SULT2B1: variants seen among roughly 807,000 people sequenced by gnomAD.
SULT2B1 encodes sulfotransferase family 2B member 1, also known as sulfotransferase 2B1.
Under a neutral mutation model 33.2 loss-of-function variants are expected in SULT2B1, and 16 were observed. The observed-to-expected ratio is 0.48, with a 90% confidence interval of 0.33 to 0.73. The LOEUF (loss-of-function observed/expected upper bound fraction) is 0.73. Ranked by LOEUF, SULT2B1 falls within the 30% of genes least tolerant of loss-of-function variation. The pLI is 0.02. For synonymous variants in SULT2B1, 186 were observed against 200.5 expected (o/e 0.93, Z 0.61); for missense variants, 500 against 506.0 (o/e 0.99, Z 0.11).
At chr19:48,585,354 T>C (rs1490104050) in intron 2 of SULT2B1, among the ~76,000 whole-genome samples, 1 of 152,038 alleles carries the variant, frequency 6.6e-6, no homozygotes, top group Non-Finnish European at 1.5e-5. Context: ...TAACATTCTG[T>C]GGCTCCCCAC....
At position 48,568,532 on chromosome 19, in the gene SULT2B1, G is replaced by A. The variant is rs779039579; in HGVS notation, c.72-7409G>A. ...ATCTCTGCGCCACGGCCAAGGGTGAGTCATCCTGCTGAGAGGTTGAGCTGG... is the reference window on the plus strand; with the variant it reads ...ATCTCTGCGCCACGGCCAAGGGTGAATCATCCTGCTGAGAGGTTGAGCTGG... On this transcript the variant is annotated intron_variant, in intron 1 of 6. Coordinates refer to ENST00000201586, the MANE Select transcript of SULT2B1 (RefSeq NM_177973.2). Among the ~76,000 whole-genome samples the A allele has an allele frequency of 8.5e-5, 13 of 152,258 alleles. No individual in the cohort carries two copies. In the South Asian group the frequency reaches 1.0e-3, roughly 12 times the overall value.
At chr19:48,575,314 G>T (rs1973388709) in intron 1 of SULT2B1, among the ~76,000 whole-genome samples, 1 of 150,656 alleles carries the variant, frequency 6.6e-6, no homozygotes, top group African/African-American at 2.4e-5. Context: ...TCACTCTGTT[G>T]CCCAAGCTGG....
intron 1 of SULT2B1, among the ~76,000 whole-genome samples, chr19:48,567,395 C>T (rs1287338032): frequency 6.6e-6 from 1 of 151,914 alleles, no homozygotes; most frequent in Non-Finnish European, 1.5e-5. Flanking sequence ...AATCCCGTCT[C>T]TACTAAAAAT....
intron 1 of SULT2B1, among the ~76,000 whole-genome samples, chr19:48,558,704 G>A (rs1382090691): frequency 2.3e-5 from 2 of 88,718 alleles, no homozygotes; most frequent in Non-Finnish European, 3.8e-5. Flanking sequence ...TTTTTTTTGA[G>A]ACAGAGTTTC....
At chr19:48,577,350 G>GTTTTTTT (rs1568408872) in intron 2 of SULT2B1, among the ~76,000 whole-genome samples, 11 of 42,708 alleles carry the variant, frequency 2.6e-4, no homozygotes, top group South Asian at 9.8e-4. Flanking sequence ...CCACTGAGCC[G>GTTTTTTT]TCTTTTTTTT....
Position 48,587,310 on chromosome 19 carries a change from A to G in SULT2B1, c.296A>G (p.Glu99Gly). Residue 99 changes from glutamate (E) to glycine (G), a missense_variant, in exon 3 of 7, where the codon GAG becomes GGG. By Grantham distance (98) the Glu-to-Gly change is moderately conservative. Transcript: ENST00000201586. ...TGGATCCGCTCCGTGCCCATCTGGGAGCGGGCACCCTGGTGTGAGACCATT... is the reference window on the plus strand; with the variant it reads ...TGGATCCGCTCCGTGCCCATCTGGGGGCGGGCACCCTGGTGTGAGACCATT... The part of the protein sequence containing the change: ...PSWIRSVPIW[E>G]RAPWCETIVG... 6.2e-7 allele frequency: 1 copy of G among 1,613,982 alleles called. No individual in the cohort carries two copies. Among genetic ancestry groups the G allele is most frequent in the Non-Finnish European group, 8.5e-7 (1 of 1,179,996 alleles).
At chr19:48,576,128 G>C (rs199582679) in intron 2 of SULT2B1, 45 bp downstream of exon 2, 12 of 1,499,700 alleles carry the variant, frequency 8.0e-6, no homozygotes, top group South Asian at 1.1e-5. Flanking sequence ...AGAGTGGGGA[G>C]GGGGTGCGGC....
intron 1 of SULT2B1, among the ~76,000 whole-genome samples, chr19:48,563,792 G>A (rs11879142): frequency 0.02 from 3,047 of 151,918 alleles, 98 homozygotes; most frequent in African/African-American, 0.069. Flanking sequence ...TGGCGAAACC[G>A]CATCTCTACT....
In SULT2B1 at chr19:48,581,923, G is replaced by T. The variant is rs1448522898; in HGVS notation, c.215-5306G>T. Among the ~76,000 whole-genome samples, 3 of 138,262 alleles carry T rather than the reference G, an allele frequency of 2.2e-5. No homozygotes were observed. In the Admixed American group the frequency reaches 2.2e-4, roughly 10 times the overall value. The allele number at this position is 138,262 out of a possible 152,430, so 90.7% of individuals were successfully genotyped here. ...ATTATTATTATTATTATTATTATTA[G>T]AGATGAAGTCTCGCTCTGTCGCCCA... On this transcript the variant is annotated intron_variant, in intron 2 of 6. Coordinates refer to ENST00000201586, the MANE Select transcript of SULT2B1 (RefSeq NM_177973.2).
chr19:48,582,388 TA>T (rs1328866200), intron 2 of SULT2B1, among the ~76,000 whole-genome samples: 3 of 93,432 alleles, frequency 3.2e-5, no homozygotes, highest in Non-Finnish European at 6.3e-5. Flanking sequence ...TTTGCCTATG[TA>T]TATACAATGT....
chr19:48,568,618 A>T (rs370693900), intron 1 of SULT2B1, among the ~76,000 whole-genome samples: 1 of 152,200 alleles, frequency 6.6e-6, no homozygotes, highest in Non-Finnish European at 1.5e-5. Context: ...CAGCCCGGAC[A>T]GAGGCAGGGC....
intron 2 of SULT2B1, among the ~76,000 whole-genome samples, chr19:48,580,082 C>T (rs920909214): frequency 2.0e-5 from 3 of 148,550 alleles, no homozygotes; most frequent in Non-Finnish European, 4.5e-5. Flanking sequence ...CACCACCACG[C>T]CCAGCTAATT....
intron 1 of SULT2B1, among the ~76,000 whole-genome samples, chr19:48,574,623 T>C (rs1973378910): frequency 6.6e-6 from 1 of 152,160 alleles, no homozygotes; most frequent in Non-Finnish European, 1.5e-5. Flanking sequence ...ACTTAAAATA[T>C]ATTATCCCGT....
At chr19:48,573,832 T>C (rs141106021) in intron 1 of SULT2B1, among the ~76,000 whole-genome samples, 4 of 152,200 alleles carry the variant, frequency 2.6e-5, no homozygotes, top group Non-Finnish European at 5.9e-5. Context: ...AGCCCAATTC[T>C]ACCCCACCCA....
rs186755688 is a variant in SULT2B1, at chr19:48,561,004, C to T, written c.71+8681C>T. ...AAAATTAGCCAGGTGTGGTGGTGGG[C>T]GCCCGTAATCCCAGCTACTCGGGAG... On this transcript the variant is annotated intron_variant, in intron 1 of 6. Transcript: ENST00000201586. Among the ~76,000 whole-genome samples, 644 of 151,582 alleles carry T rather than the reference C, an allele frequency of 4.2e-3. 5 individuals are homozygous for T. Among genetic ancestry groups the T allele is most frequent in the Middle Eastern group, 0.017 (5 of 294 alleles).
At chr19:48,563,311 C>T (rs1462711442) in intron 1 of SULT2B1, among the ~76,000 whole-genome samples, 3 of 152,020 alleles carry the variant, frequency 2.0e-5, no homozygotes, top group Non-Finnish European at 4.4e-5. Flanking sequence ...TAGTTATTTG[C>T]CCAAGAGAAA....
chr19:48,553,520 C>T (rs969686848), intron 1 of SULT2B1, among the ~76,000 whole-genome samples: 2 of 152,160 alleles, frequency 1.3e-5, no homozygotes, highest in African/African-American at 4.8e-5. Flanking sequence ...ACCATGTCGG[C>T]CAGGCTGTTC....
intron 5 of SULT2B1, chr19:48,596,406 C>T (rs1327095148): frequency 1.8e-5 from 5 of 281,186 alleles, no homozygotes; most frequent in East Asian, 9.7e-5. Context: ...ATGCACTGAC[C>T]TCTGCCCCCG....
At chr19:48,576,118 A>T (rs1973402732) in intron 2 of SULT2B1, 35 bp downstream of exon 2, 358 of 1,336,426 alleles carry the variant, frequency 2.7e-4, no homozygotes, top group Non-Finnish European at 3.5e-4. Context: ...GGGGCTGGGG[A>T]GAGTGGGGAG....
Sources: allele counts gnomAD v4.1 joint callset (sites outside exome capture counted in the v4.1 genomes callset), GRCh38; gene constraint gnomAD v4.1.1; transcripts MANE v1.5; gene names NCBI Gene and HGNC (gene_info 2026-07-23, HGNC 2026-07-21).